TAF3: variants seen among roughly 807,000 people sequenced by gnomAD.
TAF3 encodes the protein TATA-box binding protein associated factor 3, also known as transcription initiation factor TFIID subunit 3.
TAF3 carries 7 observed loss-of-function variants against 80.6 expected under a neutral mutation model. The ratio of observed to expected loss-of-function variants is 0.09; its 90% CI spans 0.05 to 0.16. The LOEUF is 0.16. Among genes scored for constraint, TAF3 ranks in the 10% least tolerant of loss-of-function variants. The pLI is 1.00. For missense variants in TAF3, 921 were observed against 1,140.2 expected, an observed-to-expected ratio of 0.81 and a Z score of 2.77; for synonymous variants, 444 against 446.1, an observed-to-expected ratio of 1.00 and a Z score of 0.06.
intron 2 of TAF3, among the ~76,000 whole-genome samples, chr10:7,940,690 T>C (rs772112828): frequency 1.8e-4 from 27 of 152,160 alleles, no homozygotes; most frequent in Non-Finnish European, 3.7e-4. Context: ...CATGGTGGCT[T>C]ATGCCAGTAA....
At chr10:7,943,642 T>A (rs919554328) in intron 2 of TAF3, among the ~76,000 whole-genome samples, 1 of 152,216 alleles carries the variant, frequency 6.6e-6, no homozygotes, top group Non-Finnish European at 1.5e-5. Flanking sequence ...GGCATACAGA[T>A]GGTAGGTGCT....
chr10:8,012,225 A>T (rs1326759306), intron 5 of TAF3, among the ~76,000 whole-genome samples: 1 of 152,180 alleles, frequency 6.6e-6, no homozygotes, highest in Non-Finnish European at 1.5e-5. Context: ...TCATGAAGAG[A>T]GACGCTTTGT....
At chr10:7,949,184 A>G (rs1040465675) in intron 2 of TAF3, among the ~76,000 whole-genome samples, 13 of 152,336 alleles carry the variant, frequency 8.5e-5, no homozygotes, top group Non-Finnish European at 7.4e-5. Context: ...GCTCACCATC[A>G]CAGAGAAAGA....
chr10:7,857,860 C>T (rs972235106), intron 2 of TAF3, among the ~76,000 whole-genome samples: 3 of 149,994 alleles, frequency 2.0e-5, no homozygotes, highest in South Asian at 2.1e-4. Context: ...GGAAGAAACT[C>T]TCTTGATTTT....
intron 2 of TAF3, among the ~76,000 whole-genome samples, chr10:7,897,324 T>A (rs1837514293): frequency 6.6e-6 from 1 of 152,228 alleles, no homozygotes; most frequent in African/African-American, 2.4e-5. Context: ...AACTTTATGT[T>A]GATATTTACT....
chr10:7,848,492 T>C (rs1224167816), intron 2 of TAF3, among the ~76,000 whole-genome samples: 6 of 152,154 alleles, frequency 3.9e-5, no homozygotes, highest in Non-Finnish European at 7.3e-5. Flanking sequence ...ATTACCTGTA[T>C]ATGGAGCCCA....
At chr10:7,890,473 T>C (rs1837448468) in intron 2 of TAF3, among the ~76,000 whole-genome samples, 2 of 152,238 alleles carry the variant, frequency 1.3e-5, no homozygotes, top group African/African-American at 4.8e-5. Flanking sequence ...AGTTTAAGCA[T>C]GCAATTGTTT....
intron 2 of TAF3, among the ~76,000 whole-genome samples, chr10:7,960,031 C>A (rs1838174100): frequency 6.6e-6 from 1 of 152,098 alleles, no homozygotes; most frequent in African/African-American, 2.4e-5. Context: ...CAGATTAGTC[C>A]CCAGAGTTAG....
At chr10:7,978,728 T>C (rs776760740) in intron 4 of TAF3, among the ~76,000 whole-genome samples, 1 of 152,238 alleles carries the variant, frequency 6.6e-6, no homozygotes, top group Non-Finnish European at 1.5e-5. Context: ...CTCATTTCTC[T>C]AAGAGGAAGA....
chr10:7,871,246 A>G (rs1269713932), intron 2 of TAF3, among the ~76,000 whole-genome samples: 5 of 152,092 alleles, frequency 3.3e-5, no homozygotes, highest in African/African-American at 1.2e-4. Context: ...TTCTACTTCA[A>G]ACAAAGGAAA....
chr10:7,879,147 G>GT (rs1009665651), intron 2 of TAF3, among the ~76,000 whole-genome samples: 1 of 152,000 alleles, frequency 6.6e-6, no homozygotes, highest in African/African-American at 2.4e-5. Context: ...ATGTTTAGAG[G>GT]TTTTTTTGAA....
intron 2 of TAF3, among the ~76,000 whole-genome samples, chr10:7,912,909 C>T (rs561101038): frequency 2.0e-5 from 3 of 152,172 alleles, no homozygotes; most frequent in Middle Eastern, 3.4e-3. Flanking sequence ...GGTGTCTGCT[C>T]GGGCTGCCAT....
chr10:7,875,580 A>G (rs1837305730), intron 2 of TAF3, among the ~76,000 whole-genome samples: 1 of 152,218 alleles, frequency 6.6e-6, no homozygotes, highest in African/African-American at 2.4e-5. Flanking sequence ...CCAGTTGAAA[A>G]GTAGCATGAA....
chr10:7,916,717 T>TA (rs1172154974), intron 2 of TAF3, among the ~76,000 whole-genome samples: 1 of 152,178 alleles, frequency 6.6e-6, no homozygotes, highest in Non-Finnish European at 1.5e-5. Context: ...GGAATCTTTT[T>TA]AAAAATCCTT....
At chr10:7,874,163 T>G (rs1055725044) in intron 2 of TAF3, among the ~76,000 whole-genome samples, 77 of 152,286 alleles carry the variant, frequency 5.1e-4, no homozygotes, top group Admixed American at 3.5e-3. Flanking sequence ...TGAATGGAGC[T>G]CAGGAGTCCA....
chr10:7,965,955 C>T (rs970673903), intron 3 of TAF3, among the ~76,000 whole-genome samples: 2 of 152,160 alleles, frequency 1.3e-5, no homozygotes, highest in South Asian at 4.1e-4. Context: ...GTTAAAAATT[C>T]ATAGCCTAAG....
intron 2 of TAF3, among the ~76,000 whole-genome samples, chr10:7,907,546 G>C (rs1410853201): frequency 6.6e-6 from 1 of 152,196 alleles, no homozygotes; most frequent in Non-Finnish European, 1.5e-5. Flanking sequence ...AAAGAATTCA[G>C]ATGTCATGCT....
intron 2 of TAF3, among the ~76,000 whole-genome samples, chr10:7,856,542 C>T (rs1278962603): frequency 1.3e-5 from 2 of 151,978 alleles, no homozygotes; most frequent in African/African-American, 4.8e-5. Flanking sequence ...TAGAACCAGT[C>T]CAGGAAGCCT....
In TAF3 at chr10:8,016,538, A is replaced by G. The variant is rs1832106795; in HGVS notation, c.*1787A>G. On this transcript the variant is annotated 3_prime_UTR_variant, in exon 7 of 7. Coordinates refer to ENST00000344293, the MANE Select transcript of TAF3 (RefSeq NM_031923.4). ...GAGATCATTCTAAATACTTTATACA[A>G]TATTTTCACATGCACAAAAATGCGC... 6.6e-6 allele frequency: 1 copy of G among 151,786 alleles called. No individual in the cohort carries two copies. Among genetic ancestry groups the G allele is most frequent in the African/African-American group, 2.4e-5 (1 of 41,282 alleles). The allele number at this position is 151,786 out of a possible 1,614,324, so 9.4% of individuals were successfully genotyped here.
Sources: gnomAD v4.1 joint callset for allele counts (sites outside exome capture counted in the v4.1 genomes callset) on GRCh38, gnomAD v4.1.1 for gene constraint, MANE v1.5 for transcripts, NCBI Gene and HGNC (gene_info 2026-07-23, HGNC 2026-07-21) for gene names.